C12orf42: variants seen among roughly 807,000 people sequenced by gnomAD.
C12orf42 encodes chromosome 12 open reading frame 42.
A neutral mutation model predicts 21.6 loss-of-function variants in C12orf42; 25 were observed. The observed-to-expected ratio is 1.16, with a 90% CI of 0.84 to 1.62. The LOEUF is 1.62. Among genes scored for constraint, C12orf42 ranks in the 40% most tolerant of loss-of-function variants. The pLI, the probability that C12orf42 is intolerant of heterozygous loss-of-function variation, is 0.00. For synonymous variants in C12orf42, 174 were observed against 175.0 expected, an observed-to-expected ratio of 0.99 and a Z score of 0.05; for missense variants, 483 against 459.3, an observed-to-expected ratio of 1.05 and a Z score of -0.47.
chr12:103,314,350 T>C (rs1416695062), intron 4 of C12orf42, among the ~76,000 whole-genome samples: 2 of 152,182 alleles, frequency 1.3e-5, no homozygotes, highest in Non-Finnish European at 2.9e-5. Context: ...TGAAAGGTGA[T>C]GGCAACTTTG....
the C12orf42 span, among the ~76,000 whole-genome samples, chr12:103,167,765 TTA>T: frequency 0.017 from 2,650 of 152,160 alleles, 70 homozygotes; most frequent in African/African-American, 0.058. Context: ...TGAGAAACTT[TTA>T]GAGTTATGAG....
chr12:103,547,443 G>T, the C12orf42 span, among the ~76,000 whole-genome samples: 1 of 152,148 alleles, frequency 6.6e-6, no homozygotes, highest in African/African-American at 2.4e-5. Context: ...CTTCAATCAG[G>T]TCGTGATTGT....
the C12orf42 span, among the ~76,000 whole-genome samples, chr12:103,061,918 T>C: frequency 6.6e-6 from 1 of 151,916 alleles, no homozygotes; most frequent in Admixed American, 6.6e-5. Flanking sequence ...CTTTCTCTCA[T>C]TCTTATTTTC....
chr12:103,380,100 T>C (rs2046038915), intron 3 of C12orf42, among the ~76,000 whole-genome samples: 1 of 152,232 alleles, frequency 6.6e-6, no homozygotes, highest in Admixed American at 6.5e-5. Context: ...TTACTGTATT[T>C]ATTATTTCTA....
At chr12:103,107,090 A>G in the C12orf42 span, among the ~76,000 whole-genome samples, 1 of 152,006 alleles carries the variant, frequency 6.6e-6, no homozygotes, top group Non-Finnish European at 1.5e-5. Context: ...GAAATAACTA[A>G]ATCATATAGA....
At chr12:103,546,689 A>G in the C12orf42 span, among the ~76,000 whole-genome samples, 2 of 152,190 alleles carry the variant, frequency 1.3e-5, no homozygotes, top group Non-Finnish European at 2.9e-5. Context: ...ATATTTTCCA[A>G]CTGAATGACA....
At chr12:103,216,942 A>C in the C12orf42 span, among the ~76,000 whole-genome samples, 2 of 152,040 alleles carry the variant, frequency 1.3e-5, no homozygotes, top group African/African-American at 2.4e-5. Flanking sequence ...TCCCAGGTTC[A>C]AGGGATTCCC....
chr12:103,318,039 C>T (rs899744800), intron 4 of C12orf42, among the ~76,000 whole-genome samples: 4 of 152,134 alleles, frequency 2.6e-5, no homozygotes, highest in South Asian at 2.1e-4. Context: ...CGGTGGCTCA[C>T]GTCTGTAATC....
At chr12:103,238,771 T>C (rs1425905961) in intron 10 of C12orf42, among the ~76,000 whole-genome samples, 1 of 152,106 alleles carries the variant, frequency 6.6e-6, no homozygotes, top group African/African-American at 2.4e-5. Flanking sequence ...GTCAAATCAG[T>C]TGGCCAGGAC....
the C12orf42 span, among the ~76,000 whole-genome samples, chr12:103,057,578 C>A: frequency 2.0e-5 from 3 of 152,254 alleles, no homozygotes; most frequent in South Asian, 6.2e-4. Context: ...ATATTTGCCA[C>A]ATTTTCTTTA....
intron 4 of C12orf42, among the ~76,000 whole-genome samples, chr12:103,296,362 C>T (rs1307771060): frequency 6.6e-6 from 1 of 152,038 alleles, no homozygotes; most frequent in Non-Finnish European, 1.5e-5. Flanking sequence ...GATTTATAAT[C>T]CTTTGGGTAT....
chr12:103,516,130 G>A, the C12orf42 span, among the ~76,000 whole-genome samples: 1 of 152,162 alleles, frequency 6.6e-6, no homozygotes, highest in Admixed American at 6.6e-5. Flanking sequence ...ATAACTTGAT[G>A]TGCCATTTAA....
chr12:103,115,234 A>G, the C12orf42 span, among the ~76,000 whole-genome samples: 2 of 152,206 alleles, frequency 1.3e-5, no homozygotes, highest in African/African-American at 4.8e-5. Flanking sequence ...CTGCAGTTGA[A>G]ACCCTAAAGA....
chr12:103,133,481 C>G, the C12orf42 span, among the ~76,000 whole-genome samples: 1 of 152,322 alleles, frequency 6.6e-6, no homozygotes, highest in East Asian at 1.9e-4. Context: ...ACTGCTGTCA[C>G]TACTGGGGCC....
At chr12:103,133,749 C>T in the C12orf42 span, among the ~76,000 whole-genome samples, 6 of 152,276 alleles carry the variant, frequency 3.9e-5, no homozygotes, top group African/African-American at 7.2e-5. Context: ...GTAATCCCCA[C>T]GTGTGGTGGA....
chr12:103,136,851 C>T, the C12orf42 span, among the ~76,000 whole-genome samples: 48,286 of 151,972 alleles, frequency 0.32, 8,109 homozygotes, highest in East Asian at 0.48. Flanking sequence ...TAAAACTGAA[C>T]CCCTATCTCT....
chr12:103,119,205 T>C, the C12orf42 span, among the ~76,000 whole-genome samples: 1 of 152,226 alleles, frequency 6.6e-6, no homozygotes, highest in African/African-American at 2.4e-5. Context: ...CTGTGTAATC[T>C]TGGATGCATT....
chr12:103,290,510 A>G (rs532227929), intron 4 of C12orf42, among the ~76,000 whole-genome samples: 233 of 152,312 alleles, frequency 1.5e-3, no homozygotes, highest in South Asian at 3.9e-3. Flanking sequence ...AAAGTCAAAC[A>G]CATAAAAAAT....
chr12:103,477,294 A>G (rs1006081729), intron 2 of C12orf42, among the ~76,000 whole-genome samples: 4 of 152,104 alleles, frequency 2.6e-5, no homozygotes, highest in Admixed American at 6.5e-5. Context: ...GTATTGGAGT[A>G]AGCCATAAGA....
Sources: gnomAD v4.1 joint callset for allele counts (sites outside exome capture counted in the v4.1 genomes callset) on GRCh38, gnomAD v4.1.1 for gene constraint, MANE v1.5 for transcripts, NCBI Gene and HGNC (gene_info 2026-07-23, HGNC 2026-07-21) for gene names.